Variants in PPP2R5C observed in about 807,000 individuals in gnomAD.
PPP2R5C encodes protein phosphatase 2 regulatory subunit B'gamma.
Under a neutral mutation model 68.9 loss-of-function variants are expected in PPP2R5C, and 7 were observed. The ratio of observed to expected loss-of-function variants is 0.10; its 90% CI spans 0.06 to 0.19. The LOEUF (loss-of-function observed/expected upper bound fraction) is 0.19. Among genes scored for constraint, PPP2R5C ranks in the 10% least tolerant of loss-of-function variants. The probability of loss-of-function intolerance (pLI) is 1.00; values close to 1 mark genes in which losing one functional copy is unlikely to be tolerated. For missense variants in PPP2R5C, 348 were observed against 641.3 expected (o/e 0.54, Z 4.94); for synonymous variants, 210 against 222.2 (o/e 0.95, Z 0.49).
At chr14:101,868,445 C>T (rs2043209001) in intron 2 of PPP2R5C, among the ~76,000 whole-genome samples, 1 of 152,156 alleles carries the variant, frequency 6.6e-6, no homozygotes. Flanking sequence ...CAGTTCTACC[C>T]ATCTCTACCT....
chr14:101,771,998 C>T (rs1315985904), intron 2 of PPP2R5C, among the ~76,000 whole-genome samples: 1 of 152,166 alleles, frequency 6.6e-6, no homozygotes, highest in African/African-American at 2.4e-5. Flanking sequence ...TCAGTAGCCA[C>T]ATGTGGCCAG....
Position 101,788,672 on chromosome 14 carries a change from T to C in PPP2R5C, c.259+2489T>C, listed in dbSNP as rs8007163. Among the ~76,000 whole-genome samples the C allele has an allele frequency of 5.6e-3, 858 of 152,368 alleles. 6 individuals carry two copies. The highest frequency in any genetic ancestry group is 0.02 in the African/African-American group (811 of 41,578). On this transcript the variant is annotated intron_variant, in intron 3 of 14. Coordinates refer to the PPP2R5C transcript ENST00000328724. ...CACATATCCAGGAGAATTTCACATG[T>C]ATCAAGCCAGTTCCCCTCACTGGTC...
intron 1 of PPP2R5C, among the ~76,000 whole-genome samples, chr14:101,811,814 C>T (rs1023272339): frequency 3.3e-5 from 5 of 152,018 alleles, no homozygotes; most frequent in African/African-American, 1.2e-4. Flanking sequence ...GAATTATGAA[C>T]TTATTCTGAA....
chr14:101,866,402 C>T (rs2140706359), intron 2 of PPP2R5C, among the ~76,000 whole-genome samples: 1 of 152,332 alleles, frequency 6.6e-6, no homozygotes, highest in South Asian at 2.1e-4. Context: ...GGTGACCCAG[C>T]CCTGTGGCAC....
At chr14:101,876,079 G>A (rs2043756682) in intron 2 of PPP2R5C, among the ~76,000 whole-genome samples, 1 of 152,142 alleles carries the variant, frequency 6.6e-6, no homozygotes, top group South Asian at 2.1e-4. Flanking sequence ...AGTTGTGATG[G>A]TCTGTCTGTT....
At chr14:101,925,998 A>G (rs778306865) in exon 14 of PPP2R5C, 8 of 152,512 alleles carry the variant, frequency 5.2e-5, no homozygotes, top group Non-Finnish European at 1.0e-4. Context: ...ATTTATCTTA[A>G]AAGAGCTTGC....
intron 2 of PPP2R5C, chr14:101,766,184 G>A (rs1181604954): frequency 6.6e-6 from 1 of 152,256 alleles, no homozygotes; most frequent in Non-Finnish European, 1.5e-5. Context: ...AAGAAAGCAG[G>A]TGGCGTATGT....
intron 2 of PPP2R5C, chr14:101,767,079 GTC>G (rs1215856073): frequency 1.3e-5 from 2 of 152,222 alleles, no homozygotes; most frequent in African/African-American, 2.4e-5. Context: ...TTGTTTGAAA[GTC>G]TCTACAGCAA....
At chr14:101,856,453 G>A (rs1386874497) in intron 1 of PPP2R5C, among the ~76,000 whole-genome samples, 1 of 152,180 alleles carries the variant, frequency 6.6e-6, no homozygotes, top group Non-Finnish European at 1.5e-5. Context: ...AACATGGTTT[G>A]AAAGAGTTAA....
At chr14:101,846,422 G>C (rs184016354) in intron 1 of PPP2R5C, among the ~76,000 whole-genome samples, 52 of 152,326 alleles carry the variant, frequency 3.4e-4, no homozygotes, top group African/African-American at 1.2e-3. Context: ...GTATGTATTA[G>C]AATGGATAAA....
At chr14:101,924,579 A>G (rs1038818468) in intron 13 of PPP2R5C, among the ~76,000 whole-genome samples, 3 of 151,498 alleles carry the variant, frequency 2.0e-5, no homozygotes, top group Non-Finnish European at 2.9e-5. Flanking sequence ...AGTAGCTGGG[A>G]TTACAGGCGC....
intron 1 of PPP2R5C, among the ~76,000 whole-genome samples, chr14:101,822,088 CCA>C (rs542594926): frequency 0.047 from 6,504 of 138,726 alleles, 193 homozygotes; most frequent in Middle Eastern, 0.06. Context: ...TGCCCCCCCC[CCA>C]CACACACACA....
chr14:101,839,062 A>G (rs1396899920), intron 1 of PPP2R5C: 1 of 149,514 alleles, frequency 6.7e-6, no homozygotes, highest in East Asian at 2.0e-4. Flanking sequence ...AAAGAAAAAA[A>G]AAAAAAAAGC....
At chr14:101,818,856 C>T (rs2039873387) in intron 1 of PPP2R5C, 2 of 646,784 alleles carry the variant, frequency 3.1e-6, no homozygotes, top group Non-Finnish European at 5.4e-6. Context: ...TAGGTTTTTT[C>T]AGTTTGTCAT....
At chr14:101,889,636 G>A (rs535852528) in intron 5 of PPP2R5C, among the ~76,000 whole-genome samples, 1 of 152,328 alleles carries the variant, frequency 6.6e-6, no homozygotes, top group South Asian at 2.1e-4. Context: ...AGATGTCTCA[G>A]AGGAAGGGAG....
At chr14:101,842,530 T>A (rs566017669) in intron 1 of PPP2R5C, among the ~76,000 whole-genome samples, 1 of 152,264 alleles carries the variant, frequency 6.6e-6, no homozygotes, top group South Asian at 2.1e-4. Context: ...CACCCAGGTG[T>A]GCTGGTGACA....
exon 14 of PPP2R5C, chr14:101,925,421 G>A (rs947317933): frequency 1.7e-5 from 23 of 1,326,154 alleles, no homozygotes; most frequent in Non-Finnish European, 2.3e-5. Context: ...GCCTCAGCGC[G>A]AGATTAGGAG....
rs80121184 is a variant in PPP2R5C at position 101,849,393 on chromosome 14, G to T, written c.95-7293G>T. 2.2e-3 allele frequency among the ~76,000 whole-genome samples: 334 copies of T among 152,288 alleles called. 2 individuals carry two copies. Among genetic ancestry groups the T allele is most frequent in the Non-Finnish European group, 3.2e-4 (22 of 68,034 alleles). ...CTTGAGGCACTATTTGGTGTTGTCCGTAGTGGTTTTAATTTGCATTTCTCT... is the reference window on the plus strand; with the variant it reads ...CTTGAGGCACTATTTGGTGTTGTCCTTAGTGGTTTTAATTTGCATTTCTCT... On this transcript the variant is annotated intron_variant, in intron 1 of 13. Coordinates refer to ENST00000334743, the Ensembl canonical transcript of PPP2R5C.
chr14:101,771,773 C>T (rs1366702569), intron 2 of PPP2R5C, among the ~76,000 whole-genome samples: 1 of 152,012 alleles, frequency 6.6e-6, no homozygotes, highest in Non-Finnish European at 1.5e-5. Flanking sequence ...ATTTCAGATA[C>T]CCTGCAGCCT....
Sources: allele counts gnomAD v4.1 joint callset (sites outside exome capture counted in the v4.1 genomes callset), GRCh38; gene constraint gnomAD v4.1.1; transcripts MANE v1.5; gene names NCBI Gene and HGNC (gene_info 2026-07-23, HGNC 2026-07-21).